Variants in PLEKHG1 observed in about 807,000 individuals in gnomAD.
PLEKHG1 encodes pleckstrin homology domain-containing family G member 1.
PLEKHG1 carries 44 observed loss-of-function variants against 100.8 expected under a neutral mutation model. That is an observed-to-expected ratio of 0.44 (90% confidence interval 0.34 to 0.56). PLEKHG1 has a LOEUF of 0.56. Among genes scored for constraint, PLEKHG1 ranks in the 20% least tolerant of loss-of-function variants. The pLI, the probability that PLEKHG1 is intolerant of heterozygous loss-of-function variation, is 0.01. For synonymous variants in PLEKHG1, 640 were observed against 662.5 expected, an observed-to-expected ratio of 0.97 and a Z score of 0.52; for missense variants, 1,545 against 1,720.9, an observed-to-expected ratio of 0.90 and a Z score of 1.81.
At chr6:150,829,128 C>A (rs1776774037) in intron 14 of PLEKHG1, among the ~76,000 whole-genome samples, 1 of 152,114 alleles carries the variant, frequency 6.6e-6, no homozygotes, top group African/African-American at 2.4e-5. Flanking sequence ...TTTGACATTT[C>A]CAATAGGTTA....
At chr6:150,825,871 G>A (rs894695280) in intron 14 of PLEKHG1, among the ~76,000 whole-genome samples, 3 of 152,150 alleles carry the variant, frequency 2.0e-5, no homozygotes, top group Non-Finnish European at 2.9e-5. Context: ...CACAAAGCAA[G>A]TGTTCTATAA....
At chr6:150,725,784 G>C (rs1781933965) in intron 1 of PLEKHG1, among the ~76,000 whole-genome samples, 1 of 150,790 alleles carries the variant, frequency 6.6e-6, no homozygotes, top group African/African-American at 2.4e-5. Context: ...TTTCTTAGAG[G>C]CTTTATGGTT....
intron 3 of PLEKHG1, among the ~76,000 whole-genome samples, chr6:150,671,088 CATATATATATATAT>C (rs10566696): frequency 4.3e-4 from 64 of 147,518 alleles, no homozygotes; most frequent in African/African-American, 1.6e-3. Flanking sequence ...AGTATTCCAT[CATATATATATATAT>C]ATATATATAC....
At chr6:150,837,039 G>C (rs1011564563) in intron 15 of PLEKHG1, among the ~76,000 whole-genome samples, 10 of 152,030 alleles carry the variant, frequency 6.6e-5, no homozygotes, top group Non-Finnish European at 1.5e-4. Flanking sequence ...GTGGGTGCCT[G>C]TAGTCCCAGC....
At chr6:150,734,575 G>A (rs1241208291) in intron 2 of PLEKHG1, among the ~76,000 whole-genome samples, 4 of 152,196 alleles carry the variant, frequency 2.6e-5, no homozygotes, top group Admixed American at 2.0e-4. Context: ...TGGGGCTTGG[G>A]TGGTGGAATT....
chr6:150,822,205 C>G (rs899035798), intron 13 of PLEKHG1, among the ~76,000 whole-genome samples: 1 of 108,270 alleles, frequency 9.2e-6, no homozygotes, highest in East Asian at 2.6e-4. Flanking sequence ...CAAAAACACA[C>G]AAACTGGCAA....
intron 11 of PLEKHG1, among the ~76,000 whole-genome samples, chr6:150,819,330 C>T (rs1010967438): frequency 6.6e-6 from 1 of 151,802 alleles, no homozygotes; most frequent in Non-Finnish European, 1.5e-5. Context: ...TTTGGGAGGC[C>T]GAGGTGGGTG....
At chr6:150,775,122 C>T (rs1009196608) in intron 3 of PLEKHG1, among the ~76,000 whole-genome samples, 2 of 152,052 alleles carry the variant, frequency 1.3e-5, no homozygotes, top group Admixed American at 6.6e-5. Context: ...GATTTGGTGT[C>T]TGGAATAAAC....
At chr6:150,687,257 C>CT (rs551240669) in intron 3 of PLEKHG1, among the ~76,000 whole-genome samples, 327 of 152,174 alleles carry the variant, frequency 2.1e-3, no homozygotes, top group African/African-American at 7.3e-3. Context: ...AGAGCTTTTA[C>CT]TTTAAGATGG....
At chr6:150,657,724 GC>G (rs536268705) in intron 3 of PLEKHG1, among the ~76,000 whole-genome samples, 7 of 152,162 alleles carry the variant, frequency 4.6e-5, no homozygotes, top group Non-Finnish European at 1.0e-4. Flanking sequence ...GAATGTCATA[GC>G]CCCATGCAGT....
intron 4 of PLEKHG1, among the ~76,000 whole-genome samples, chr6:150,794,568 G>A (rs373551804): frequency 2.6e-5 from 4 of 152,098 alleles, no homozygotes; most frequent in African/African-American, 9.7e-5. Flanking sequence ...TCAGGAGGCT[G>A]AGGCAGGAGA....
upstream of PLEKHG1, among the ~76,000 whole-genome samples, chr6:150,718,668 T>G (rs1781533469): frequency 6.6e-6 from 1 of 152,052 alleles, no homozygotes; most frequent in African/African-American, 2.4e-5. Flanking sequence ...CGAGGTTTCA[T>G]CATGTTGGTC....
chr6:150,657,874 G>A (rs1779031492), intron 3 of PLEKHG1, among the ~76,000 whole-genome samples: 1 of 152,188 alleles, frequency 6.6e-6, no homozygotes, highest in Non-Finnish European at 1.5e-5. Flanking sequence ...GACCAGATGC[G>A]CCCAGTAGTG....
At chr6:150,766,640 T>C (rs1784467828) in intron 2 of PLEKHG1, among the ~76,000 whole-genome samples, 1 of 152,250 alleles carries the variant, frequency 6.6e-6, no homozygotes, top group South Asian at 2.1e-4. Flanking sequence ...TAAAATTTAG[T>C]TTCTCTGCCA....
At chr6:150,632,560 C>T (rs1777805437) in intron 1 of PLEKHG1, among the ~76,000 whole-genome samples, 1 of 152,234 alleles carries the variant, frequency 6.6e-6, no homozygotes, top group African/African-American at 2.4e-5. Context: ...TCTACCTGGC[C>T]TCTCCCGCTT....
chr6:150,733,602 T>C, exon 2 of PLEKHG1: 1 of 1,612,468 alleles, frequency 6.2e-7, no homozygotes, highest in Non-Finnish European at 8.5e-7. Context: ...CAGTTGCGTC[T>C]TGAAGTGCCA....
At chr6:150,614,306 G>A (rs1216681988) in intron 1 of PLEKHG1, among the ~76,000 whole-genome samples, 1 of 152,136 alleles carries the variant, frequency 6.6e-6, no homozygotes, top group Non-Finnish European at 1.5e-5. Context: ...TCTTGAACAG[G>A]CAATGAAGGT....
intron 2 of PLEKHG1, among the ~76,000 whole-genome samples, chr6:150,736,958 G>A (rs1782592125): frequency 6.6e-6 from 1 of 152,138 alleles, no homozygotes; most frequent in African/African-American, 2.4e-5. Flanking sequence ...TTGGAAAGAA[G>A]CGTGCCTGGG....
exon 16 of PLEKHG1, chr6:150,840,732 A>C (rs772869043): frequency 6.2e-7 from 1 of 1,614,208 alleles, no homozygotes; most frequent in South Asian, 1.1e-5. Context: ...CACTCCAAAA[A>C]AGCCGGTTAA....
Sources: gnomAD v4.1 joint callset for allele counts (sites outside exome capture counted in the v4.1 genomes callset) on GRCh38, gnomAD v4.1.1 for gene constraint, MANE v1.5 for transcripts, NCBI Gene and HGNC (gene_info 2026-07-23, HGNC 2026-07-21) for gene names.